Variants in CA12 observed in about 807,000 individuals in gnomAD.
The protein encoded by CA12 is carbonic anhydrase 12, also known as carbonate dehydratase XII.
Under a neutral mutation model 46.8 loss-of-function variants are expected in CA12, and 36 were observed. That is an observed-to-expected ratio of 0.77 (90% confidence interval 0.59 to 1.02). CA12 has a LOEUF of 1.02. Ranked by LOEUF, CA12 falls within the 50% of genes least tolerant of loss-of-function variation. CA12 has a pLI of 0.00. For missense variants in CA12, 436 were observed against 451.4 expected (o/e 0.97, Z 0.31); for synonymous variants, 202 against 187.0 (o/e 1.08, Z -0.65).
chr15:63,340,017 C>G lies in CA12; in HGVS notation c.747+271G>C. On this transcript the variant is annotated intron_variant, in intron 7 of 10. Transcript: ENST00000178638. This position sits in a 1 kb window ranked among gnomAD's most constrained non-coding sequence, Gnocchi z 4.4. ...CTCCTGCCTGGGAAGTGAATACCAC[C>G]CAGCCACTGAGGATATATTAGCAAA... The G allele has an allele frequency of 2.2e-6, 1 of 462,892 alleles. No homozygotes were observed. The highest frequency in any genetic ancestry group is 2.1e-5 in the South Asian group (1 of 47,810). 28.7% of individuals were successfully genotyped at this position (462,892 alleles called of 1,614,324 possible). A position where few individuals can be genotyped will look rare whatever the true frequency, so the allele number is the denominator to read the frequency against.
At chr15:63,361,184 G>T (rs767808978) in intron 2 of CA12, among the ~76,000 whole-genome samples, 1 of 152,226 alleles carries the variant, frequency 6.6e-6, no homozygotes, top group Non-Finnish European at 1.5e-5. Flanking sequence ...GAGCTGCCCA[G>T]TGGAAGTGTA....
In CA12 at chr15:63,345,632, G is replaced by A; in HGVS notation, c.287-13C>T. ...AGGTTCAGCTTCACTGCGGGGAGTG[G>A]AGGAGCAGCCTTCAGAGCCCCGGCC... On this transcript the variant is annotated splice_polypyrimidine_tract_variant and intron_variant, in intron 3 of 10. Transcript: ENST00000178638. This position sits in a 1 kb window ranked among gnomAD's most constrained non-coding sequence, Gnocchi z 4.3. 6.2e-7 allele frequency: 1 copy of A among 1,610,008 alleles called. No individual in the cohort carries two copies. Among genetic ancestry groups the A allele is most frequent in the East Asian group, 2.2e-5 (1 of 44,842 alleles).
At chr15:63,381,582 C>T (rs975017050) in intron 1 of CA12, 54 bp downstream of exon 1, 9 of 1,437,550 alleles carry the variant, frequency 6.3e-6, no homozygotes, top group Non-Finnish European at 8.7e-6. Context: ...GCCTTCAGCC[C>T]AGGGGCGGCT....
At chr15:63,371,748 G>A (rs1036216846) in intron 2 of CA12, among the ~76,000 whole-genome samples, 1 of 152,162 alleles carries the variant, frequency 6.6e-6, no homozygotes, top group East Asian at 1.9e-4. Flanking sequence ...GAAACACCAC[G>A]CCCATTCTCA....
In CA12 at chr15:63,355,721, A is replaced by G. The variant is rs1188063647; in HGVS notation, c.107-9012T>C. On this transcript the variant is annotated intron_variant, in intron 2 of 10. Transcript: ENST00000178638. This position sits in a 1 kb window ranked among gnomAD's most constrained non-coding sequence, Gnocchi z 4.1. Reference sequence around the variant, plus strand: ...CTGACATGCTAACAACCTAACCCCTATCATGAAAACTAGCCAGGCCTGAGC... The same window carrying G: ...CTGACATGCTAACAACCTAACCCCTGTCATGAAAACTAGCCAGGCCTGAGC... 1.3e-5 allele frequency among the ~76,000 whole-genome samples: 2 copies of G among 151,386 alleles called. No individual in the cohort carries two copies. Among genetic ancestry groups the G allele is most frequent in the African/African-American group, 4.9e-5 (2 of 40,688 alleles).
chr15:63,340,496 A>T lies in CA12; in HGVS notation c.590-51T>A. The T allele has an allele frequency of 1.2e-6, 2 of 1,608,404 alleles. No homozygotes were observed. The highest frequency in any genetic ancestry group is 1.7e-6 in the Non-Finnish European group (2 of 1,174,724). On this transcript the variant is annotated intron_variant, in intron 6 of 10. Coordinates refer to ENST00000178638, the MANE Select transcript of CA12 (RefSeq NM_001218.5). The surrounding 1 kb of genome is among the most constrained non-coding windows in gnomAD (Gnocchi z 4.4). Reference sequence around the variant, plus strand: ...TAGTGTCAGCCTCCCTCCGTAGGGCATAAGTGCAGCTGAACAGAGCGACTG... The same window carrying T: ...TAGTGTCAGCCTCCCTCCGTAGGGCTTAAGTGCAGCTGAACAGAGCGACTG...
chr15:63,326,081 T>C lies in CA12; in HGVS notation c.*204A>G. ...GAATTCCTGCTGCTTGGTCTGAGAG[T>C]GCATCCCATCCATCGATCGGATGGC... On this transcript the variant is annotated 3_prime_UTR_variant, in exon 11 of 11. Coordinates refer to ENST00000178638, the MANE Select transcript of CA12 (RefSeq NM_001218.5). 1.7e-6 allele frequency: 1 copy of C among 597,296 alleles called. No individual in the cohort carries two copies. The highest frequency in any genetic ancestry group is 3.0e-6 in the Non-Finnish European group (1 of 329,274). The allele number at this position is 597,296 out of a possible 1,614,324, so 37.0% of individuals were successfully genotyped here.
Position 63,340,464 on chromosome 15 carries a change from G to A in CA12, c.590-19C>T. The A allele has an allele frequency of 6.2e-7, 1 of 1,614,188 alleles. No individual in the cohort carries two copies. Among genetic ancestry groups the A allele is most frequent in the Non-Finnish European group, 8.5e-7 (1 of 1,180,018 alleles). ...TCCTGGCCTAGAGAGACATGTTGCA[G>A]AGGTGATAGTGTCAGCCTCCCTCCG... On this transcript the variant is annotated intron_variant, in intron 6 of 10. Transcript: ENST00000178638. The surrounding 1 kb of genome is among the most constrained non-coding windows in gnomAD (Gnocchi z 4.4).
chr15:63,376,557 C>CCTTCCTTTCTTTCTTT (rs1555432625), intron 1 of CA12, among the ~76,000 whole-genome samples: 28 of 104,622 alleles, frequency 2.7e-4, no homozygotes, highest in African/African-American at 5.8e-4. Context: ...CTCTTTCTTT[C>CCTTCCTTTCTTTCTTT]CTTTCTTTCT....
At position 63,381,692 on chromosome 15, in the gene CA12, G is replaced by A. The variant is rs1045086909; in HGVS notation, c.29C>T (p.Ala10Val). Residue 10 changes from alanine to valine, a missense_variant, in exon 1 of 11, where the codon GCC (alanine) becomes GTC (valine). Coordinates refer to ENST00000178638, the MANE Select transcript of CA12 (RefSeq NM_001218.5). ...CTTTAAGATCACCAGCAGGAGCACG[G>A]CCGCCGCGTGCAGGCTGCGCCGGGG... MPRRSLHAA[A>V]VLLLVILKEQ... 1.6e-5 allele frequency: 26 copies of A among 1,608,420 alleles called. No individual in the cohort carries two copies. Among genetic ancestry groups the A allele is most frequent in the Non-Finnish European group, 1.9e-5 (22 of 1,177,548 alleles).
chr15:63,375,587 C>A, intron 2 of CA12, 71 bp downstream of exon 2: 1 of 1,020,144 alleles, frequency 9.8e-7, no homozygotes, highest in South Asian at 1.4e-5. Context: ...CATGAAGTTT[C>A]TGTTTTTCTC....
At chr15:63,362,582 T>C (rs1258753328) in intron 2 of CA12, among the ~76,000 whole-genome samples, 1 of 152,140 alleles carries the variant, frequency 6.6e-6, no homozygotes, top group African/African-American at 2.4e-5. Context: ...GTCTGGAAAT[T>C]ACCCAAAGAG....
At chr15:63,342,144 G>C (rs1346758027) in intron 4 of CA12, 47 bp from the exon 5 acceptor site, 3 of 1,260,762 alleles carry the variant, frequency 2.4e-6, no homozygotes, top group East Asian at 4.7e-5. Flanking sequence ...CGACTCATGG[G>C]AGCCTGTCGC....
At position 63,374,356 on chromosome 15, in the gene CA12, C is replaced by T. The variant is rs2039544796; in HGVS notation, c.106+1302G>A. On this transcript the variant is annotated intron_variant, in intron 2 of 10. Transcript: ENST00000178638. The surrounding 1 kb of genome is among the most constrained non-coding windows in gnomAD (Gnocchi z 4.4). Reference sequence around the variant, plus strand: ...TTCCAAGGCCCAGGTGAAAGCCCTCCTCCTCCAGGAGGCCTTCCCTGACCA... The same window carrying T: ...TTCCAAGGCCCAGGTGAAAGCCCTCTTCCTCCAGGAGGCCTTCCCTGACCA... Among the ~76,000 whole-genome samples, 1 of 152,174 alleles carries T rather than the reference C, an allele frequency of 6.6e-6. No individual in the cohort carries two copies. Among genetic ancestry groups the T allele is most frequent in the Non-Finnish European group, 1.5e-5 (1 of 68,032 alleles).
intron 2 of CA12, among the ~76,000 whole-genome samples, chr15:63,363,536 G>T (rs2039394408): frequency 6.6e-6 from 1 of 152,158 alleles, no homozygotes; most frequent in African/African-American, 2.4e-5. Flanking sequence ...GGTAAAAATG[G>T]CTCCTTGGTC....
intron 1 of CA12, 30 bp from the exon 2 acceptor site, chr15:63,375,708 A>G: frequency 6.4e-7 from 1 of 1,558,416 alleles, no homozygotes; most frequent in East Asian, 2.2e-5. Flanking sequence ...GTAAGTAAGT[A>G]CAATGGAACC....
Position 63,341,948 on chromosome 15 carries a change from C to T in CA12, c.525+54G>A. The T allele has an allele frequency of 7.9e-7, 1 of 1,263,760 alleles. No homozygotes were observed. The highest frequency in any genetic ancestry group is 1.2e-6 in the Non-Finnish European group (1 of 865,448). 78.3% of individuals were successfully genotyped at this position (1,263,760 alleles called of 1,614,324 possible). A position where few individuals can be genotyped will look rare whatever the true frequency, so the allele number is the denominator to read the frequency against. On this transcript the variant is annotated intron_variant, in intron 5 of 10. Transcript: ENST00000178638. This position sits in a 1 kb window ranked among gnomAD's most constrained non-coding sequence, Gnocchi z 5.2. Reference sequence around the variant, plus strand: ...TATGCATGGAACAAAAGGTGGAATCCCAATCTCATCCCTGCTTCAAATTTC... The same window carrying T: ...TATGCATGGAACAAAAGGTGGAATCTCAATCTCATCCCTGCTTCAAATTTC...
chr15:63,346,061 G>A (rs772368424), intron 3 of CA12, among the ~76,000 whole-genome samples: 4 of 152,088 alleles, frequency 2.6e-5, no homozygotes, highest in Non-Finnish European at 4.4e-5. Flanking sequence ...CAGTCTTCAC[G>A]GTATCCATCA....
In CA12 at chr15:63,327,196, G is replaced by A. The variant is rs766120265; in HGVS notation, c.945C>T (p.Gly315=). 7 of 1,613,942 alleles carry A rather than the reference G, an allele frequency of 4.3e-6. No homozygotes were observed. The Admixed American group carries it at 1.2e-4, about 27-fold the overall frequency. ...ILSLALAGIL[G]ICIVVVVSIW... ...TGGACACCACCACCACAATACAGAT[G>A]CCAAGAATGCCAGCCAGGGCCAGTG... The change falls in exon 10 of 11, where the codon GGC becomes GGT. Residue 315 remains glycine, a synonymous_variant. Coordinates refer to ENST00000178638, the MANE Select transcript of CA12 (RefSeq NM_001218.5). The surrounding 1 kb of genome is among the most constrained non-coding windows in gnomAD (Gnocchi z 4.5).
Sources: gnomAD v4.1 joint callset for allele counts (sites outside exome capture counted in the v4.1 genomes callset) on GRCh38, gnomAD v4.1.1 for gene constraint, Gnocchi (gnomAD v3.1) non-coding constraint, MANE v1.5 for transcripts, NCBI Gene and HGNC (gene_info 2026-07-23, HGNC 2026-07-21) for gene names.